Variants in ITGBL1 observed in about 807,000 individuals in gnomAD.
The protein encoded by ITGBL1 is integrin subunit beta like 1, also known as integrin beta-like protein 1.
A neutral mutation model predicts 68.5 loss-of-function variants in ITGBL1; 51 were observed. That is an observed-to-expected ratio of 0.74 (90% CI 0.59 to 0.94). ITGBL1 has a LOEUF of 0.94. Ranked by LOEUF, ITGBL1 falls within the 40% of genes least tolerant of loss-of-function variation. ITGBL1 has a pLI of 0.00. For missense variants in ITGBL1, 649 were observed against 647.4 expected, an observed-to-expected ratio of 1.00 and a Z score of -0.03; for synonymous variants, 209 against 227.3, an observed-to-expected ratio of 0.92 and a Z score of 0.72.
intron 6 of ITGBL1, among the ~76,000 whole-genome samples, chr13:101,586,740 A>T (rs759059933): frequency 9.2e-5 from 14 of 152,296 alleles, no homozygotes; most frequent in African/African-American, 3.1e-4. Flanking sequence ...AGATTTTTTT[A>T]AAATAAAACT....
intron 7 of ITGBL1, among the ~76,000 whole-genome samples, chr13:101,623,708 C>G (rs1179693054): frequency 6.6e-6 from 1 of 152,170 alleles, no homozygotes; most frequent in African/African-American, 2.4e-5. Flanking sequence ...CTTCGCAGAG[C>G]ACAAATTTAA....
intron 7 of ITGBL1, among the ~76,000 whole-genome samples, chr13:101,605,739 C>A (rs574279791): frequency 5.3e-4 from 80 of 150,932 alleles, no homozygotes; most frequent in African/African-American, 1.8e-3. Flanking sequence ...CGTATGTAGA[C>A]ATATGTATGT....
chr13:101,632,631 G>A (rs747967246), intron 7 of ITGBL1, among the ~76,000 whole-genome samples: 9 of 152,016 alleles, frequency 5.9e-5, no homozygotes, highest in Non-Finnish European at 1.2e-4. Flanking sequence ...TAATAAAGAG[G>A]AATAAATTAC....
At chr13:101,664,868 G>A (rs2033175403) in intron 7 of ITGBL1, among the ~76,000 whole-genome samples, 1 of 152,100 alleles carries the variant, frequency 6.6e-6, no homozygotes, top group Non-Finnish European at 1.5e-5. Context: ...CCAGTAGCTG[G>A]GATTACAGGC....
chr13:101,688,612 A>G (rs1371267670), intron 7 of ITGBL1, among the ~76,000 whole-genome samples: 1 of 152,234 alleles, frequency 6.6e-6, no homozygotes. Context: ...GAATTACACA[A>G]TCATATGTAT....
intron 7 of ITGBL1, among the ~76,000 whole-genome samples, chr13:101,614,131 G>C (rs777574224): frequency 6.6e-6 from 1 of 152,036 alleles, no homozygotes; most frequent in African/African-American, 2.4e-5. Context: ...CCTTAGGCAC[G>C]TTTGAATACC....
At chr13:101,595,158 G>A (rs1296594636) in intron 6 of ITGBL1, among the ~76,000 whole-genome samples, 2 of 152,274 alleles carry the variant, frequency 1.3e-5, no homozygotes, top group Admixed American at 1.3e-4. Context: ...CAGGAAGCAT[G>A]CCACCAGCTT....
chr13:101,719,857 T>C (rs1036407907), downstream of ITGBL1: 2 of 146,950 alleles, frequency 1.4e-5, no homozygotes, highest in Non-Finnish European at 3.1e-5. Context: ...ACAGCAAACT[T>C]AATTTCTGAG....
intron 7 of ITGBL1, among the ~76,000 whole-genome samples, chr13:101,674,929 C>A (rs1227736034): frequency 4.0e-5 from 6 of 151,680 alleles, no homozygotes; most frequent in Non-Finnish European, 7.4e-5. Flanking sequence ...TCTTTTTGAT[C>A]TTTTATCTAA....
intron 2 of ITGBL1, among the ~76,000 whole-genome samples, chr13:101,540,580 T>C (rs2049677776): frequency 6.6e-6 from 1 of 152,228 alleles, no homozygotes. Flanking sequence ...TTTTTTCCAA[T>C]TCTGTGAAGA....
chr13:101,657,667 AG>A (rs1170249548), intron 7 of ITGBL1, among the ~76,000 whole-genome samples: 2 of 152,228 alleles, frequency 1.3e-5, no homozygotes, highest in Non-Finnish European at 2.9e-5. Flanking sequence ...TTCATATTGC[AG>A]GGTAATATTC....
chr13:101,583,397 T>G (rs938642503), intron 6 of ITGBL1, 41 bp downstream of exon 6: 18 of 1,386,310 alleles, frequency 1.3e-5, no homozygotes, highest in African/African-American at 3.2e-5. Context: ...GAGGGGGAGG[T>G]GGGGCTTGTT....
intron 10 of ITGBL1, chr13:101,714,887 T>G (rs2034642827): frequency 7.5e-6 from 2 of 267,004 alleles, no homozygotes; most frequent in Admixed American, 4.9e-5. Context: ...GAACATGGTA[T>G]AGGGAATGAA....
At chr13:101,504,765 C>G (rs1220912089) in intron 2 of ITGBL1, among the ~76,000 whole-genome samples, 2 of 152,190 alleles carry the variant, frequency 1.3e-5, no homozygotes, top group East Asian at 3.8e-4. Flanking sequence ...GGCTGGCTGA[C>G]TCACTGCTAT....
At chr13:101,697,693 G>A (rs1284480362) in intron 8 of ITGBL1, among the ~76,000 whole-genome samples, 2 of 152,034 alleles carry the variant, frequency 1.3e-5, no homozygotes, top group Non-Finnish European at 2.9e-5. Context: ...GTCTACCTTG[G>A]TTTACTCCTA....
Position 101,575,530 on chromosome 13 carries a change from A to G in ITGBL1, c.570A>G (p.Thr190=), listed in dbSNP as rs1043147573. Residue 190 remains threonine, a synonymous_variant, in exon 4 of 11, where the codon ACA becomes ACG. Coordinates refer to ENST00000376180, the MANE Select transcript of ITGBL1 (RefSeq NM_004791.3). ...ATAGAGAATGCATAGACGATGAAAC[A>G]GAAGAAATATGTGGAGGTATGTATA... ...CDDRECIDDE[T]EEICGGHGKC... 2 of 1,612,414 alleles carry G rather than the reference A, an allele frequency of 1.2e-6. No individual in the cohort carries two copies. Among genetic ancestry groups the G allele is most frequent in the Non-Finnish European group, 1.7e-6 (2 of 1,178,714 alleles).
At chr13:101,697,794 T>C (rs1171969751) in intron 8 of ITGBL1, among the ~76,000 whole-genome samples, 1 of 152,188 alleles carries the variant, frequency 6.6e-6, no homozygotes, top group Non-Finnish European at 1.5e-5. Flanking sequence ...CAGTGAATAT[T>C]TGATGAATGC....
chr13:101,475,033 A>G lies in ITGBL1; in HGVS notation c.316+20933A>G, dbSNP rs181539730. Among the ~76,000 whole-genome samples the G allele has an allele frequency of 4.6e-5, 7 of 152,320 alleles. No individual in the cohort carries two copies. The East Asian group carries it at 1.4e-3, about 29-fold the overall frequency. ...CCTAACTCTTTAATGCTTAGACATC[A>G]GTGAATATCCACAAGCATCAAGGCC... On this transcript the variant is annotated intron_variant, in intron 2 of 10. Transcript: ENST00000376180.
chr13:101,495,287 A>C (rs2048840725), intron 2 of ITGBL1, among the ~76,000 whole-genome samples: 1 of 152,192 alleles, frequency 6.6e-6, no homozygotes, highest in Non-Finnish European at 1.5e-5. Context: ...AAGTGATGGA[A>C]ATGGTGGGAT....
Sources: gnomAD v4.1 joint callset for allele counts (sites outside exome capture counted in the v4.1 genomes callset) on GRCh38, gnomAD v4.1.1 for gene constraint, MANE v1.5 for transcripts, NCBI Gene and HGNC (gene_info 2026-07-23, HGNC 2026-07-21) for gene names.